DLG2: variants seen among roughly 807,000 people sequenced by gnomAD.
DLG2 encodes the protein disks large homolog 2.
Under a neutral mutation model 132.5 loss-of-function variants are expected in DLG2, and 45 were observed. The ratio of observed to expected loss-of-function variants is 0.34; its 90% CI spans 0.27 to 0.44. DLG2 has a LOEUF of 0.44. Ranked by LOEUF, DLG2 falls within the 20% of genes least tolerant of loss-of-function variation. The pLI, the probability that DLG2 is intolerant of heterozygous loss-of-function variation, is 1.00. For missense variants in DLG2, 1,045 were observed against 1,196.9 expected (o/e 0.87, Z 1.87); for synonymous variants, 424 against 419.6 (o/e 1.01, Z -0.13).
chr11:84,379,669 G>T lies in DLG2; in HGVS notation c.520-128378C>A, dbSNP rs1271786234. Among the ~76,000 whole-genome samples, 9 of 152,082 alleles carry T rather than the reference G, an allele frequency of 5.9e-5. No homozygotes were observed. In the East Asian group the frequency reaches 1.7e-3, roughly 29 times the overall value. ...CAAGGACAATACGGTCTGAGGCTCA[G>T]GCACTATTTCCCTCTTCATCTGAGT... On this transcript the variant is annotated intron_variant, in intron 7 of 27. Transcript: ENST00000376104.
At chr11:84,749,453 C>G (rs1252315058) in intron 6 of DLG2, among the ~76,000 whole-genome samples, 1 of 152,046 alleles carries the variant, frequency 6.6e-6, no homozygotes, top group African/African-American at 2.4e-5. Flanking sequence ...TTTTACTGTA[C>G]CTTTTCTATA....
chr11:83,771,938 A>C (rs575423366), intron 18 of DLG2, among the ~76,000 whole-genome samples: 2 of 152,304 alleles, frequency 1.3e-5, no homozygotes, highest in South Asian at 4.1e-4. Flanking sequence ...GGGTGGTTTT[A>C]ACCTTGATTT....
At chr11:85,069,503 G>T (rs1048634997) in intron 6 of DLG2, among the ~76,000 whole-genome samples, 5 of 152,082 alleles carry the variant, frequency 3.3e-5, no homozygotes, top group African/African-American at 1.2e-4. Flanking sequence ...GATATGAACA[G>T]ACACTTCTCA....
intron 18 of DLG2, among the ~76,000 whole-genome samples, chr11:83,752,248 AC>A (rs1363445348): frequency 6.6e-6 from 1 of 151,746 alleles, no homozygotes; most frequent in African/African-American, 2.4e-5. Context: ...AGCCTGGTTG[AC>A]AGAGCGAGAC....
chr11:85,021,023 G>T (rs746692189), intron 6 of DLG2: 3 of 773,040 alleles, frequency 3.9e-6, no homozygotes, highest in Non-Finnish European at 7.2e-6. Context: ...CTGCTTGTTT[G>T]TTCTGTTCCT....
At chr11:84,645,613 G>A (rs939363364) in intron 6 of DLG2, among the ~76,000 whole-genome samples, 2 of 151,992 alleles carry the variant, frequency 1.3e-5, no homozygotes, top group Admixed American at 6.5e-5. Flanking sequence ...GACTACAGGC[G>A]CCCACCACCA....
intron 3 of DLG2, 39 bp downstream of exon 3, chr11:85,598,618 C>A: frequency 1.5e-5 from 22 of 1,480,452 alleles, no homozygotes; most frequent in Non-Finnish European, 2.0e-5. Flanking sequence ...AAGCCCAATT[C>A]TGACCATTAA....
chr11:84,222,220 T>C (rs988028404), intron 8 of DLG2, among the ~76,000 whole-genome samples: 3 of 152,052 alleles, frequency 2.0e-5, no homozygotes, highest in African/African-American at 7.2e-5. Flanking sequence ...TTAGTAGAGA[T>C]GGGGTTTCAC....
Position 85,446,348 on chromosome 11 carries a change from A to G in DLG2, c.40+152309T>C, listed in dbSNP as rs778695848. Among the ~76,000 whole-genome samples the G allele has an allele frequency of 1.4e-4, 21 of 152,206 alleles. 1 individual carries two copies. Among genetic ancestry groups the G allele is most frequent in the Non-Finnish European group, 2.8e-4 (19 of 68,024 alleles). On this transcript the variant is annotated intron_variant, in intron 3 of 27. Transcript: ENST00000376104. ...AGTGCCATTTGTTGCCATTGGAGGA[A>G]ATGGTTTTGTTATAGATTTCTAAGA...
intron 7 of DLG2, among the ~76,000 whole-genome samples, chr11:84,339,522 A>G (rs562093289): frequency 1.8e-4 from 28 of 152,312 alleles, no homozygotes; most frequent in African/African-American, 6.5e-4. Flanking sequence ...AGAGAATTTT[A>G]AGACGGTGAT....
chr11:85,517,184 C>T (rs1016492347), intron 3 of DLG2, among the ~76,000 whole-genome samples: 1 of 151,826 alleles, frequency 6.6e-6, no homozygotes, highest in Non-Finnish European at 1.5e-5. Context: ...ATGATATGAT[C>T]ATCTCAATAG....
At chr11:84,690,744 G>A (rs926964302) in intron 6 of DLG2, among the ~76,000 whole-genome samples, 3 of 151,804 alleles carry the variant, frequency 2.0e-5, no homozygotes, top group Non-Finnish European at 4.4e-5. Flanking sequence ...TAAGGAAGCT[G>A]TGTTTCAGAG....
intron 6 of DLG2, among the ~76,000 whole-genome samples, chr11:85,015,585 A>G (rs72957781): frequency 0.014 from 2,115 of 152,258 alleles, 21 homozygotes; most frequent in Non-Finnish European, 0.021. Flanking sequence ...TTAAATTCAC[A>G]GGGCAAAAAG....
At chr11:83,906,416 A>C (rs1006465459) in intron 15 of DLG2, among the ~76,000 whole-genome samples, 5 of 151,922 alleles carry the variant, frequency 3.3e-5, no homozygotes, top group Middle Eastern at 3.2e-3. Context: ...AGTTCGGGAG[A>C]TAGGGGAGCA....
intron 15 of DLG2, among the ~76,000 whole-genome samples, chr11:83,880,140 T>C (rs1256388353): frequency 6.6e-6 from 1 of 152,070 alleles, no homozygotes; most frequent in Non-Finnish European, 1.5e-5. Flanking sequence ...GGACAATGAA[T>C]ACCCTGCCAA....
chr11:85,206,848 C>T (rs926853616), intron 4 of DLG2, among the ~76,000 whole-genome samples: 3 of 151,844 alleles, frequency 2.0e-5, no homozygotes, highest in African/African-American at 7.3e-5. Flanking sequence ...TGAAAAAAAG[C>T]GCATATCTTT....
intron 4 of DLG2, among the ~76,000 whole-genome samples, chr11:85,269,081 G>T (rs548453665): frequency 6.6e-6 from 1 of 152,268 alleles, no homozygotes; most frequent in East Asian, 1.9e-4. Context: ...AAATATCCCA[G>T]GAATGTGTGT....
intron 3 of DLG2, among the ~76,000 whole-genome samples, chr11:85,566,672 C>T (rs993133189): frequency 6.6e-6 from 1 of 152,102 alleles, no homozygotes; most frequent in Non-Finnish European, 1.5e-5. Context: ...TTAACTCTCA[C>T]AGGCCCCACG....
chr11:84,603,040 A>G (rs1033187293), intron 6 of DLG2, among the ~76,000 whole-genome samples: 3 of 152,002 alleles, frequency 2.0e-5, no homozygotes, highest in Non-Finnish European at 4.4e-5. Context: ...AATAGAATAA[A>G]ATACTGAAAA....
Sources: allele counts gnomAD v4.1 joint callset (sites outside exome capture counted in the v4.1 genomes callset), GRCh38; gene constraint gnomAD v4.1.1; transcripts MANE v1.5; gene names NCBI Gene and HGNC (gene_info 2026-07-23, HGNC 2026-07-21).